Variants in LOC128706666 observed in about 807,000 individuals in gnomAD.
chr20:10,414,928 T>C, the LOC128706666 span, among the ~76,000 whole-genome samples: 6 of 152,324 alleles, frequency 3.9e-5, no homozygotes, highest in African/African-American at 1.4e-4. Context: ...CCCAAAGCAC[T>C]GGTTAATGAC....
At chr20:10,426,588 G>A in the LOC128706666 span, among the ~76,000 whole-genome samples, 15 of 152,160 alleles carry the variant, frequency 9.9e-5, no homozygotes, top group Admixed American at 7.2e-4. Flanking sequence ...TAGTAGAGAC[G>A]GGGTTTCACC....
chr20:10,421,372 C>A, the LOC128706666 span, among the ~76,000 whole-genome samples: 1 of 139,204 alleles, frequency 7.2e-6, no homozygotes, highest in Non-Finnish European at 1.5e-5. Flanking sequence ...TGCAGTGAGC[C>A]AAGATCATGC....
At chr20:10,429,444 C>T in the LOC128706666 span, among the ~76,000 whole-genome samples, 11 of 152,188 alleles carry the variant, frequency 7.2e-5, no homozygotes, top group African/African-American at 2.2e-4. Context: ...GGCTCTCACA[C>T]GTTCATCTCC....
At chr20:10,431,108 ATACACGGCAGCCATTACTTT>A in the LOC128706666 span, among the ~76,000 whole-genome samples, 1 of 152,214 alleles carries the variant, frequency 6.6e-6, no homozygotes, top group African/African-American at 2.4e-5. Flanking sequence ...GAAGTGCTCA[ATACACGGCAGCCATTACTTT>A]TATTGGGAGT....
At chr20:10,417,437 C>T in the LOC128706666 span, among the ~76,000 whole-genome samples, 1 of 151,854 alleles carries the variant, frequency 6.6e-6, no homozygotes, top group Admixed American at 6.6e-5. Context: ...ACAGCAAGAC[C>T]CTGGTTCTAA....
chr20:10,417,639 ATGCTAC>A, the LOC128706666 span, among the ~76,000 whole-genome samples: 1 of 150,798 alleles, frequency 6.6e-6, no homozygotes, highest in Non-Finnish European at 1.5e-5. Flanking sequence ...GAGCTATGAT[ATGCTAC>A]TGCTACTGCA....
the LOC128706666 span, chr20:10,431,908 C>A: frequency 2.0e-5 from 3 of 150,948 alleles, no homozygotes; most frequent in South Asian, 6.3e-4. Context: ...AGCACTCAAC[C>A]TAAAGTGTTT....
the LOC128706666 span, among the ~76,000 whole-genome samples, chr20:10,433,900 GCAA>G: frequency 6.6e-6 from 1 of 152,206 alleles, no homozygotes; most frequent in African/African-American, 2.4e-5. Context: ...CGTGCCGACC[GCAA>G]CATTTACCAT....
At chr20:10,427,551 A>T in the LOC128706666 span, among the ~76,000 whole-genome samples, 1 of 152,182 alleles carries the variant, frequency 6.6e-6, no homozygotes, top group African/African-American at 2.4e-5. Flanking sequence ...TCATTTCTGA[A>T]TTCTCATCAT....
the LOC128706666 span, among the ~76,000 whole-genome samples, chr20:10,423,378 C>T: frequency 5.3e-5 from 8 of 152,054 alleles, no homozygotes; most frequent in Non-Finnish European, 1.0e-4. Context: ...GCTGAGATAA[C>T]ACCATTGCAC....
At chr20:10,424,583 A>C in the LOC128706666 span, among the ~76,000 whole-genome samples, 3 of 147,002 alleles carry the variant, frequency 2.0e-5, no homozygotes, top group South Asian at 6.4e-4. Context: ...CTAGTTTTAC[A>C]AAAAAAAAAA....
chr20:10,432,282 G>A, the LOC128706666 span, among the ~76,000 whole-genome samples: 1 of 152,192 alleles, frequency 6.6e-6, no homozygotes, highest in Admixed American at 6.5e-5. Context: ...GCCCAATCCT[G>A]CTTCCTTTCT....
At chr20:10,418,221 A>C in the LOC128706666 span, among the ~76,000 whole-genome samples, 1 of 152,240 alleles carries the variant, frequency 6.6e-6, no homozygotes, top group Non-Finnish European at 1.5e-5. Context: ...AGTTCAAAAA[A>C]CAGAGGAAAA....
chr20:10,423,390 C>G, the LOC128706666 span, among the ~76,000 whole-genome samples: 4 of 151,848 alleles, frequency 2.6e-5, no homozygotes, highest in Non-Finnish European at 5.9e-5. Flanking sequence ...CCATTGCACT[C>G]CAGGACAGGT....
the LOC128706666 span, among the ~76,000 whole-genome samples, chr20:10,416,980 A>G: frequency 2.0e-5 from 3 of 148,100 alleles, no homozygotes; most frequent in Non-Finnish European, 4.4e-5. Context: ...TCTTTTATAG[A>G]AAAAAAGTTT....
the LOC128706666 span, among the ~76,000 whole-genome samples, chr20:10,429,956 A>C: frequency 6.6e-6 from 1 of 152,212 alleles, no homozygotes. Flanking sequence ...TCTGAAGCTA[A>C]AGTTTGAGAC....
chr20:10,426,824 A>G, the LOC128706666 span, among the ~76,000 whole-genome samples: 3 of 152,330 alleles, frequency 2.0e-5, no homozygotes, highest in South Asian at 6.2e-4. Flanking sequence ...AGAGGGCAAA[A>G]GAGTCTATAT....
the LOC128706666 span, among the ~76,000 whole-genome samples, chr20:10,415,362 G>A: frequency 2.0e-5 from 3 of 152,164 alleles, no homozygotes; most frequent in Non-Finnish European, 2.9e-5. Flanking sequence ...ACCTTGATTT[G>A]AAGATGTGCA....
the LOC128706666 span, among the ~76,000 whole-genome samples, chr20:10,417,085 T>TA: frequency 8.6e-5 from 13 of 151,780 alleles, no homozygotes; most frequent in East Asian, 1.9e-4. Context: ...CTGTCTCTAC[T>TA]AAAAAAATAC....
Sources: gnomAD v4.1 joint callset for allele counts (sites outside exome capture counted in the v4.1 genomes callset) on GRCh38, gnomAD v4.1.1 for gene constraint, MANE v1.5 for transcripts.